Variants in FMNL2 observed in about 807,000 individuals in gnomAD.
FMNL2 encodes formin-like protein 2.
In FMNL2, 51 loss-of-function variants were observed where a neutral mutation model predicts 130.2. The observed-to-expected ratio is 0.39, with a 90% confidence interval of 0.31 to 0.49. The LOEUF (loss-of-function observed/expected upper bound fraction) is 0.49, where lower values mean the gene tolerates loss of function less well. Ranked by LOEUF, FMNL2 falls within the 20% of genes least tolerant of loss-of-function variation. The pLI, the probability that FMNL2 is intolerant of heterozygous loss-of-function variation, is 0.85. For synonymous variants in FMNL2, 465 were observed against 467.1 expected, an observed-to-expected ratio of 1.00 and a Z score of 0.06; for missense variants, 977 against 1,316.2, an observed-to-expected ratio of 0.74 and a Z score of 3.99.
intron 1 of FMNL2, among the ~76,000 whole-genome samples, chr2:152,403,236 AC>A (rs1287401752): frequency 6.7e-6 from 1 of 149,810 alleles, no homozygotes. Flanking sequence ...AAAAAAAAAA[AC>A]CCACAAAACT....
Position 152,407,361 on chromosome 2 carries a change from C to T in FMNL2, c.117+71641C>T, listed in dbSNP as rs13034520. Among the ~76,000 whole-genome samples the T allele has an allele frequency of 8.3e-3, 1,264 of 152,014 alleles. 12 individuals carry two copies. The highest frequency in any genetic ancestry group is 0.024 in the African/African-American group (982 of 41,490). ...CCCTTTTCATTTCTTTTTTTACAGT[C>T]GTTTGGGAGAAACCCTTCCAGCCCT... On this transcript the variant is annotated intron_variant, in intron 1 of 25. Transcript: ENST00000288670.
At chr2:152,442,334 C>A (rs900332614) in intron 1 of FMNL2, among the ~76,000 whole-genome samples, 2 of 151,632 alleles carry the variant, frequency 1.3e-5, no homozygotes, top group African/African-American at 4.9e-5. Context: ...TTACTGCGAC[C>A]TCCTTCTCCC....
At chr2:152,521,227 G>A (rs1693067799) in intron 1 of FMNL2, among the ~76,000 whole-genome samples, 1 of 152,128 alleles carries the variant, frequency 6.6e-6, no homozygotes, top group Admixed American at 6.5e-5. Flanking sequence ...CATGACATGT[G>A]AAAGTACCTG....
intron 1 of FMNL2, among the ~76,000 whole-genome samples, chr2:152,368,971 T>C (rs1190644807): frequency 6.6e-6 from 1 of 152,224 alleles, no homozygotes; most frequent in Non-Finnish European, 1.5e-5. Flanking sequence ...ATCTGAATCA[T>C]CATCTTTTGC....
chr2:152,645,453 C>G, intron 25 of FMNL2: 2 of 1,289,612 alleles, frequency 1.6e-6, no homozygotes, highest in Non-Finnish European at 2.0e-6. Context: ...AGAATAATAT[C>G]ACTAAATTTC....
chr2:152,645,830 C>T (rs377138129), intron 25 of FMNL2, among the ~76,000 whole-genome samples: 1 of 152,130 alleles, frequency 6.6e-6, no homozygotes, highest in Non-Finnish European at 1.5e-5. Flanking sequence ...TGATCTGAAG[C>T]GACTGAAAGC....
chr2:152,618,022 G>A (rs1350648389), intron 13 of FMNL2, among the ~76,000 whole-genome samples: 1 of 152,170 alleles, frequency 6.6e-6, no homozygotes, highest in Non-Finnish European at 1.5e-5. Context: ...ATTAGTAATA[G>A]ACAGGGTGTG....
intron 16 of FMNL2, 82 bp downstream of exon 16, chr2:152,625,644 C>A (rs1237661053): frequency 2.7e-6 from 4 of 1,485,746 alleles, no homozygotes; most frequent in Admixed American, 1.9e-5. Context: ...CTGGAAGTGT[C>A]AGAGATAAAG....
intron 9 of FMNL2, among the ~76,000 whole-genome samples, chr2:152,587,452 C>T (rs779210373): frequency 4.2e-4 from 64 of 152,152 alleles, no homozygotes; most frequent in Non-Finnish European, 7.5e-4. Flanking sequence ...TATTGTTATT[C>T]GTCTTTCATT....
At position 152,619,493 on chromosome 2, in the gene FMNL2, C is replaced by T; in HGVS notation, c.1628-16C>T. The T allele has an allele frequency of 6.5e-7, 1 of 1,549,818 alleles. No homozygotes were observed. Among genetic ancestry groups the T allele is most frequent in the Non-Finnish European group, 8.7e-7 (1 of 1,146,874 alleles). On this transcript the variant is annotated splice_polypyrimidine_tract_variant and intron_variant, in intron 14 of 25. Transcript: ENST00000288670. Reference sequence around the variant, plus strand: ...CCGTATTTTCAAAGTCCATCTGTTTCTTTTTTCTTTGCTAGTGCAAAATGG... The same window carrying T: ...CCGTATTTTCAAAGTCCATCTGTTTTTTTTTTCTTTGCTAGTGCAAAATGG...
At chr2:152,376,463 G>A (rs182195094) in intron 1 of FMNL2, among the ~76,000 whole-genome samples, 2 of 152,312 alleles carry the variant, frequency 1.3e-5, no homozygotes, top group African/African-American at 2.4e-5. Context: ...TCTGAAGTCA[G>A]AAATATCCTC....
intron 1 of FMNL2, among the ~76,000 whole-genome samples, chr2:152,450,569 A>G (rs1025775356): frequency 9.2e-5 from 14 of 152,352 alleles, no homozygotes; most frequent in Middle Eastern, 3.4e-3. Flanking sequence ...GTTTAAAAAA[A>G]GATTGGCTCA....
In FMNL2 at chr2:152,352,682, T is replaced by C. The variant is rs554494981; in HGVS notation, c.117+16962T>C. Among the ~76,000 whole-genome samples the C allele has an allele frequency of 2.9e-4, 44 of 151,514 alleles. 1 individual carries two copies. Among genetic ancestry groups the C allele is most frequent in the African/African-American group, 9.9e-4 (41 of 41,322 alleles). On this transcript the variant is annotated intron_variant, in intron 1 of 25. Transcript: ENST00000288670. ...ATAAAGCCACTGTTCACTATTGAAATAGTAAAGGCCAAATAAGCTTGTGAT... is the reference window on the plus strand; with the variant it reads ...ATAAAGCCACTGTTCACTATTGAAACAGTAAAGGCCAAATAAGCTTGTGAT...
intron 1 of FMNL2, among the ~76,000 whole-genome samples, chr2:152,414,344 T>A (rs1046021104): frequency 1.2e-4 from 18 of 152,198 alleles, no homozygotes; most frequent in African/African-American, 4.1e-4. Flanking sequence ...GGTGGAGTGA[T>A]GTTACCCTTA....
rs75779527 is a variant in FMNL2, at chr2:152,449,710, G to A, written c.118-72233G>A. Among the ~76,000 whole-genome samples, 552 of 152,146 alleles carry A rather than the reference G, an allele frequency of 3.6e-3. 1 individual carries two copies. Among genetic ancestry groups the A allele is most frequent in the African/African-American group, 0.012 (516 of 41,502 alleles). ...GCAAACAGATTAATGTAAGAGTTAC[G>A]GCTTTTTAGAATACAGACAGTCGTC... On this transcript the variant is annotated intron_variant, in intron 1 of 25. Transcript: ENST00000288670.
chr2:152,369,410 G>T (rs981486516), intron 1 of FMNL2, among the ~76,000 whole-genome samples: 17 of 152,234 alleles, frequency 1.1e-4, no homozygotes, highest in African/African-American at 4.1e-4. Context: ...TGCTTGCTAC[G>T]CAGTTAAATT....
intron 1 of FMNL2, among the ~76,000 whole-genome samples, chr2:152,394,267 G>T (rs553722420): frequency 1.2e-4 from 19 of 152,214 alleles, no homozygotes; most frequent in African/African-American, 3.6e-4. Context: ...GTTTTTTAAA[G>T]AATTCGCTTT....
At chr2:152,505,313 G>A (rs898082428) in intron 1 of FMNL2, among the ~76,000 whole-genome samples, 3 of 152,052 alleles carry the variant, frequency 2.0e-5, no homozygotes, top group Non-Finnish European at 4.4e-5. Context: ...ATGTTGTTTT[G>A]TATGAAGAAA....
intron 23 of FMNL2, 116 bp downstream of exon 23, chr2:152,637,790 T>G: frequency 1.1e-6 from 1 of 882,376 alleles, no homozygotes; most frequent in South Asian, 1.5e-5. Flanking sequence ...CAGATCTGGG[T>G]GGCATTCACG....
Sources: gnomAD v4.1 joint callset for allele counts (sites outside exome capture counted in the v4.1 genomes callset) on GRCh38, gnomAD v4.1.1 for gene constraint, MANE v1.5 for transcripts, NCBI Gene and HGNC (gene_info 2026-07-23, HGNC 2026-07-21) for gene names.